Variants in GLI2 observed in about 807,000 individuals in gnomAD.
The protein encoded by GLI2 is GLI family zinc finger 2.
A neutral mutation model predicts 78.9 loss-of-function variants in GLI2; 22 were observed. That is an observed-to-expected ratio of 0.28 (90% CI 0.20 to 0.40). The LOEUF is 0.40. Ranked by LOEUF, GLI2 falls within the 10% of genes least tolerant of loss-of-function variation. GLI2 has a pLI of 1.00. For synonymous variants in GLI2, 974 were observed against 963.7 expected (o/e 1.01, Z -0.20); for missense variants, 2,097 against 2,213.2 (o/e 0.95, Z 1.05).
intron 2 of GLI2, among the ~76,000 whole-genome samples, chr2:120,878,843 G>A (rs963373992): frequency 6.6e-6 from 1 of 151,660 alleles, no homozygotes; most frequent in African/African-American, 2.4e-5. Context: ...CAGGAGAATC[G>A]CTTGAACCCA....
chr2:120,786,740 C>T (rs2053989), intron 1 of GLI2, among the ~76,000 whole-genome samples: 87,877 of 152,010 alleles, frequency 0.58, 28,188 homozygotes, highest in African/African-American at 0.88. Flanking sequence ...TACAAGTTGA[C>T]TAGTGTGCCT....
chr2:120,880,880 G>T, intron 2 of GLI2, among the ~76,000 whole-genome samples: 1 of 152,256 alleles, frequency 6.6e-6, no homozygotes, highest in Admixed American at 6.5e-5. Flanking sequence ...TCCCAGCATA[G>T]CATCTACCTA....
intron 5 of GLI2, among the ~76,000 whole-genome samples, chr2:120,963,737 T>G (rs959703841): frequency 1.3e-5 from 2 of 152,254 alleles, no homozygotes; most frequent in Non-Finnish European, 2.9e-5. Flanking sequence ...ATAGGCCCTG[T>G]GGCAGGTGGT....
intron 5 of GLI2, 58 bp from the exon 6 acceptor site, chr2:120,968,656 G>T: frequency 2.4e-5 from 27 of 1,145,990 alleles, no homozygotes; most frequent in Non-Finnish European, 3.3e-5. Context: ...CCACCCACAT[G>T]TCACCCCCTC....
At position 120,971,961 on chromosome 2, in the gene GLI2, G is replaced by A. The variant is rs149110951; in HGVS notation, c.1080G>A (p.Ser360=). The A allele has an allele frequency of 1.1e-4, 180 of 1,613,746 alleles. No individual in the cohort carries two copies. The African/African-American group carries it at 1.7e-3, about 15-fold the overall frequency. The part of the protein sequence containing the change: ...DTNQNKQSSE[S]AVSSTVNPVA... ...CTCAGAACAAGCAGAGCAGTGAGTCGGCCGTCAGCAGCACCGTCAACCCTG... is the reference window on the plus strand; with the variant it reads ...CTCAGAACAAGCAGAGCAGTGAGTCAGCCGTCAGCAGCACCGTCAACCCTG... Residue 360 remains serine, a synonymous_variant, in exon 8 of 14, where the codon TCG becomes TCA. Coordinates refer to ENST00000361492, the MANE Select transcript of GLI2 (RefSeq NM_001374353.1).
At chr2:120,920,024 G>C (rs891557420) in intron 2 of GLI2, among the ~76,000 whole-genome samples, 1 of 152,252 alleles carries the variant, frequency 6.6e-6, no homozygotes, top group African/African-American at 2.4e-5. Flanking sequence ...ATTTCTCTCT[G>C]AAACCGGTTT....
chr2:120,843,294 T>C (rs1686967318), intron 2 of GLI2, among the ~76,000 whole-genome samples: 1 of 152,130 alleles, frequency 6.6e-6, no homozygotes, highest in Non-Finnish European at 1.5e-5. Flanking sequence ...GAAGTCACTT[T>C]CCCAAGATCC....
chr2:120,829,141 G>A (rs896022021), intron 2 of GLI2, among the ~76,000 whole-genome samples: 26 of 151,854 alleles, frequency 1.7e-4, no homozygotes, highest in African/African-American at 6.1e-4. Context: ...CCATCACCAC[G>A]TGCACACCCA....
intron 3 of GLI2, among the ~76,000 whole-genome samples, chr2:120,947,200 G>A (rs1431671777): frequency 6.6e-6 from 1 of 152,114 alleles, no homozygotes; most frequent in Admixed American, 6.5e-5. Flanking sequence ...CATCAAGAAC[G>A]CCCACTTCCC....
At chr2:120,833,236 C>T (rs1686450595) in intron 2 of GLI2, among the ~76,000 whole-genome samples, 1 of 151,976 alleles carries the variant, frequency 6.6e-6, no homozygotes, top group South Asian at 2.1e-4. Context: ...TGGTGTTTGC[C>T]TGTTGCGGAT....
intron 2 of GLI2, among the ~76,000 whole-genome samples, chr2:120,820,997 G>T (rs1685744429): frequency 6.6e-6 from 1 of 152,132 alleles, no homozygotes; most frequent in Admixed American, 6.5e-5. Flanking sequence ...TGGCCTCCCG[G>T]TGGTTTCAGA....
intron 2 of GLI2, among the ~76,000 whole-genome samples, chr2:120,896,961 C>T (rs930651846): frequency 3.0e-4 from 46 of 152,310 alleles, no homozygotes; most frequent in African/African-American, 1.1e-3. Context: ...TAGAAATTAA[C>T]AAGTTGAAGT....
At chr2:120,973,862 T>C (rs1377512655) in intron 8 of GLI2, among the ~76,000 whole-genome samples, 4 of 152,116 alleles carry the variant, frequency 2.6e-5, no homozygotes, top group Admixed American at 2.0e-4. Context: ...GAGTCTCCAT[T>C]GACAGCAGGG....
At chr2:120,788,034 T>C (rs535535018) in intron 1 of GLI2, among the ~76,000 whole-genome samples, 39 of 152,284 alleles carry the variant, frequency 2.6e-4, no homozygotes, top group African/African-American at 8.9e-4. Flanking sequence ...GGGGCAGGCC[T>C]TCTCCAGCTG....
At chr2:120,964,346 G>T (rs1681730230) in intron 5 of GLI2, among the ~76,000 whole-genome samples, 1 of 152,350 alleles carries the variant, frequency 6.6e-6, no homozygotes, top group Admixed American at 6.5e-5. Context: ...GGCCTTCTTT[G>T]TAACAGCAGT....
In GLI2 at chr2:120,752,088, A is replaced by G. The variant is rs187109151; in HGVS notation, c.-31+15803A>G. ...TGTGTCTCCATTTCTCTATTGATAT[A>G]GACCAGTGTTTTATTATTATCATTT... is the stretch of plus-strand genomic sequence containing the variant. On this transcript the variant is annotated intron_variant, in intron 1 of 13. Transcript: ENST00000361492. Among the ~76,000 whole-genome samples, 252 of 152,282 alleles carry G rather than the reference A, an allele frequency of 1.7e-3. 1 individual carries two copies. The highest frequency in any genetic ancestry group is 5.1e-3 in the African/African-American group (212 of 41,564).
chr2:120,988,904 C>T lies in GLI2; in HGVS notation c.2939C>T (p.Pro980Leu), dbSNP rs563818052. Residue 980 changes from proline to leucine, a missense_variant, in exon 14 of 14, where the codon CCG becomes CTG. Coordinates refer to ENST00000361492, the MANE Select transcript of GLI2 (RefSeq NM_001374353.1). ...FHSTHNVNPGPLPPCADRRGL... is the reference protein window; with the variant it reads ...FHSTHNVNPGLLPPCADRRGL... Reference sequence around the variant, plus strand: ...AGCACCCACAACGTGAACCCCGGCCCGCTGCCGCCCTGTGCCGACAGGCGA... The same window carrying T: ...AGCACCCACAACGTGAACCCCGGCCTGCTGCCGCCCTGTGCCGACAGGCGA... 16 of 1,509,732 alleles carry T rather than the reference C, an allele frequency of 1.1e-5. No homozygotes were observed. Among genetic ancestry groups the T allele is most frequent in the East Asian group, 2.6e-5 (1 of 37,918 alleles). The allele number at this position is 1,509,732 out of a possible 1,614,324, so 93.5% of individuals were successfully genotyped here. A position where few individuals can be genotyped will look rare whatever the true frequency, so the allele number is the denominator to read the frequency against.
chr2:120,894,768 G>A (rs1481611575), intron 2 of GLI2, among the ~76,000 whole-genome samples: 1 of 151,112 alleles, frequency 6.6e-6, no homozygotes, highest in African/African-American at 2.4e-5. Flanking sequence ...GCGCGATCTT[G>A]GCTCACTGCA....
intron 2 of GLI2, among the ~76,000 whole-genome samples, chr2:120,902,797 C>CA (rs2104787328): frequency 6.6e-6 from 1 of 152,212 alleles, no homozygotes; most frequent in East Asian, 1.9e-4. Context: ...CTACAGCATG[C>CA]ATGCATTTCA....
Sources: gnomAD v4.1 joint callset for allele counts (sites outside exome capture counted in the v4.1 genomes callset) on GRCh38, gnomAD v4.1.1 for gene constraint, MANE v1.5 for transcripts, NCBI Gene and HGNC (gene_info 2026-07-23, HGNC 2026-07-21) for gene names.